The following SLAMF6 variants were observed in gnomAD, a reference collection of about 807,000 sequenced individuals.
The protein encoded by SLAMF6 is SLAM family member 6.
A neutral mutation model predicts 38.3 loss-of-function variants in SLAMF6; 21 were observed. That is an observed-to-expected ratio of 0.55 (90% CI 0.39 to 0.79). The LOEUF is 0.79. Among genes scored for constraint, SLAMF6 ranks in the 30% least tolerant of loss-of-function variants. SLAMF6 has a pLI of 0.00. For missense variants in SLAMF6, 341 were observed against 385.3 expected (o/e 0.89, Z 0.96); for synonymous variants, 152 against 146.3 (o/e 1.04, Z -0.28).
rs528165273 is a variant in SLAMF6, at chr1:160,512,198, A to G, written c.49+10946T>C. ...GTGCCAGAGGGACTGGTGGTTTGGA[A>G]CCAGGAGGAATTCCCCATGGTGCAG... On this transcript the variant is annotated intron_variant, in intron 1 of 7. Transcript: ENST00000368057. Among the ~76,000 whole-genome samples the G allele has an allele frequency of 3.9e-5, 6 of 152,290 alleles. No individual in the cohort carries two copies. The South Asian group carries it at 1.2e-3, about 32-fold the overall frequency.
Position 160,486,614 on chromosome 1 carries a change from G to A in SLAMF6, c.*93C>T. On this transcript the variant is annotated 3_prime_UTR_variant, in exon 8 of 8. Coordinates refer to ENST00000368057, the MANE Select transcript of SLAMF6 (RefSeq NM_001184714.2). ...CCTAGATATTCAAATTCTGTTGCCA[G>A]GAACAACAGGAACCAAGCTTCCTGT... The A allele has an allele frequency of 2.3e-6, 3 of 1,328,060 alleles. No individual in the cohort carries two copies. Among genetic ancestry groups the A allele is most frequent in the Non-Finnish European group, 3.2e-6 (3 of 928,066 alleles). The allele number at this position is 1,328,060 out of a possible 1,614,324, so 82.3% of individuals were successfully genotyped here. A position where few individuals can be genotyped will look rare whatever the true frequency, so the allele number is the denominator to read the frequency against.
At chr1:160,514,750 T>C (rs539654468) in intron 1 of SLAMF6, among the ~76,000 whole-genome samples, 4 of 152,334 alleles carry the variant, frequency 2.6e-5, no homozygotes, top group Non-Finnish European at 5.9e-5. Flanking sequence ...TGCTCCTGCA[T>C]GACTCCTGGT....
chr1:160,495,151 C>A (rs1653507702), intron 2 of SLAMF6, among the ~76,000 whole-genome samples: 1 of 152,064 alleles, frequency 6.6e-6, no homozygotes, highest in Admixed American at 6.6e-5. Context: ...TTTTGAGTAC[C>A]ATGTCTTAAC....
chr1:160,518,705 G>T (rs1654856707), intron 1 of SLAMF6, among the ~76,000 whole-genome samples: 1 of 151,938 alleles, frequency 6.6e-6, no homozygotes, highest in African/African-American at 2.4e-5. Context: ...CTTTAAGTGG[G>T]AGCTGAACAA....
intron 2 of SLAMF6, among the ~76,000 whole-genome samples, chr1:160,492,856 C>A (rs1044308363): frequency 1.3e-5 from 2 of 152,080 alleles, no homozygotes; most frequent in African/African-American, 4.8e-5. Flanking sequence ...GTGGCTTTAC[C>A]TTCAACATAT....
In SLAMF6 at chr1:160,486,077, C is replaced by T. The variant is rs1652950368; in HGVS notation, c.*630G>A. 6.6e-6 allele frequency: 1 copy of T among 152,372 alleles called. No homozygotes were observed. The highest frequency in any genetic ancestry group is 1.5e-5 in the Non-Finnish European group (1 of 68,112). The allele number at this position is 152,372 out of a possible 1,614,324, so 9.4% of individuals were successfully genotyped here. ...TCCAATATCCAAAATGCTCCAAAAT[C>T]TGAGATTTTGAGCACTGCATCGACA... On this transcript the variant is annotated 3_prime_UTR_variant, in exon 8 of 8. Transcript: ENST00000368057.
At chr1:160,506,862 A>G (rs554491701) in intron 1 of SLAMF6, among the ~76,000 whole-genome samples, 7 of 152,318 alleles carry the variant, frequency 4.6e-5, no homozygotes, top group Admixed American at 4.6e-4. Flanking sequence ...AAGAGGTTAA[A>G]TGTAACACTG....
intron 1 of SLAMF6, among the ~76,000 whole-genome samples, chr1:160,511,570 C>A (rs1008984701): frequency 6.6e-6 from 1 of 152,066 alleles, no homozygotes; most frequent in African/African-American, 2.4e-5. Context: ...CAAAAATTAT[C>A]TCAAAATGTA....
At chr1:160,509,591 C>A (rs535669467) in intron 1 of SLAMF6, among the ~76,000 whole-genome samples, 1 of 151,990 alleles carries the variant, frequency 6.6e-6, no homozygotes, top group Non-Finnish European at 1.5e-5. Context: ...CAACATGGCA[C>A]ATATATACCT....
intron 1 of SLAMF6, among the ~76,000 whole-genome samples, chr1:160,506,700 A>G (rs1056556502): frequency 6.6e-6 from 1 of 152,190 alleles, no homozygotes; most frequent in Non-Finnish European, 1.5e-5. Context: ...GAGTAAAACA[A>G]TAATTATAAA....
intron 1 of SLAMF6, among the ~76,000 whole-genome samples, chr1:160,514,405 C>T (rs913590668): frequency 1.2e-4 from 18 of 152,178 alleles, no homozygotes; most frequent in East Asian, 7.7e-4. Flanking sequence ...ACAATAATAG[C>T]GGGAGACTTT....
rs61761948 is a variant in SLAMF6, at chr1:160,496,201, T to A, written c.242A>T (p.Lys81Ile). The A allele has an allele frequency of 8.1e-6, 13 of 1,613,908 alleles. No homozygotes were observed. The highest frequency in any genetic ancestry group is 1.6e-4 in the Middle Eastern group (1 of 6,062). ...KSPEIHVTNP[K>I]QGKRLNFTQS... Reference sequence around the variant, plus strand: ...GGTGAAGTTCAGTCGCTTTCCCTGTTTCGGATTAGTCACGTGGATTTCTGG... The same window carrying A: ...GGTGAAGTTCAGTCGCTTTCCCTGTATCGGATTAGTCACGTGGATTTCTGG... The change falls in exon 2 of 8, where the codon AAA (lysine) becomes ATA (isoleucine). Residue 81 changes from lysine (K) to isoleucine (I), a missense_variant. Transcript: ENST00000368057.
intron 1 of SLAMF6, among the ~76,000 whole-genome samples, chr1:160,513,994 C>G (rs1654621653): frequency 2.6e-5 from 4 of 152,164 alleles, no homozygotes; most frequent in Admixed American, 2.6e-4. Context: ...ATCATGATGA[C>G]AGGATCAAAT....
intron 1 of SLAMF6, among the ~76,000 whole-genome samples, chr1:160,503,134 C>G (rs1653996585): frequency 1.3e-5 from 2 of 152,022 alleles, no homozygotes; most frequent in Non-Finnish European, 2.9e-5. Flanking sequence ...TTAAAGATCT[C>G]AAAAGATTTA....
chr1:160,523,052 C>A, intron 1 of SLAMF6, 92 bp downstream of exon 1: 2 of 1,384,580 alleles, frequency 1.4e-6, no homozygotes, highest in South Asian at 1.2e-5. Flanking sequence ...TGGCAGAGAG[C>A]CAGACAACTG....
chr1:160,505,425 A>G (rs1654131444), intron 1 of SLAMF6, among the ~76,000 whole-genome samples: 1 of 152,152 alleles, frequency 6.6e-6, no homozygotes, highest in African/African-American at 2.4e-5. Context: ...TTTTTGAGAC[A>G]GGGTCTCACT....
intron 6 of SLAMF6, among the ~76,000 whole-genome samples, chr1:160,488,695 A>AG (rs1272836179): frequency 5.9e-5 from 9 of 152,188 alleles, no homozygotes; most frequent in African/African-American, 2.2e-4. Context: ...GCCACCTGCT[A>AG]TGGAACTACG....
intron 1 of SLAMF6, among the ~76,000 whole-genome samples, chr1:160,514,571 G>A (rs1161056727): frequency 3.9e-5 from 6 of 151,928 alleles, no homozygotes; most frequent in Non-Finnish European, 8.8e-5. Context: ...ATTGCCACAT[G>A]GAACTTACTC....
intron 1 of SLAMF6, among the ~76,000 whole-genome samples, chr1:160,510,197 G>T (rs1356197944): frequency 3.3e-5 from 5 of 151,970 alleles, no homozygotes; most frequent in Non-Finnish European, 7.4e-5. Context: ...TTATTCTCAA[G>T]CTCTTCCCAA....
Sources: gnomAD v4.1 joint callset for allele counts (sites outside exome capture counted in the v4.1 genomes callset) on GRCh38, gnomAD v4.1.1 for gene constraint, MANE v1.5 for transcripts, NCBI Gene and HGNC (gene_info 2026-07-23, HGNC 2026-07-21) for gene names.